SOCS7: variants seen among roughly 807,000 people sequenced by gnomAD.
SOCS7 encodes suppressor of cytokine signaling 7, also known as NAP-4.
Under a neutral mutation model 58.9 loss-of-function variants are expected in SOCS7, and 18 were observed. The ratio of observed to expected loss-of-function variants is 0.31; its 90% CI spans 0.21 to 0.45. The LOEUF (loss-of-function observed/expected upper bound fraction) is 0.45. SOCS7 is among the 20% of genes least tolerant of loss of function. SOCS7 has a pLI of 1.00. For missense variants in SOCS7, 667 were observed against 837.3 expected (o/e 0.80, Z 2.51); for synonymous variants, 388 against 364.3 (o/e 1.06, Z -0.74).
At chr17:38,393,629 C>A (rs1445792194) in intron 7 of SOCS7, among the ~76,000 whole-genome samples, 1 of 150,398 alleles carries the variant, frequency 6.6e-6, no homozygotes, top group Non-Finnish European at 1.5e-5. Flanking sequence ...AAGAGCAAGA[C>A]TCTGTCTTAA....
intron 7 of SOCS7, among the ~76,000 whole-genome samples, chr17:38,379,179 A>AT (rs1567745331): frequency 6.7e-6 from 1 of 148,202 alleles, no homozygotes; most frequent in Non-Finnish European, 1.5e-5. Flanking sequence ...ACAAAAAAAA[A>AT]CAAAAAAAAA....
intron 6 of SOCS7, among the ~76,000 whole-genome samples, chr17:38,374,311 G>A (rs1055029368): frequency 3.3e-5 from 5 of 152,242 alleles, no homozygotes; most frequent in Admixed American, 2.6e-4. Context: ...GCCAAGGCGG[G>A]CAGATCACTT....
At chr17:38,356,264 C>T (rs587599176) in intron 1 of SOCS7, among the ~76,000 whole-genome samples, 3 of 151,942 alleles carry the variant, frequency 2.0e-5, no homozygotes, top group African/African-American at 7.2e-5. Flanking sequence ...CACCTGTAGT[C>T]CCAATACTTG....
At chr17:38,381,351 T>C (rs1728933632) in intron 7 of SOCS7, among the ~76,000 whole-genome samples, 1 of 138,234 alleles carries the variant, frequency 7.2e-6, no homozygotes, top group Non-Finnish European at 1.7e-5. Flanking sequence ...TAGAGGAGAC[T>C]ATTAGGGTGA....
chr17:38,389,260 T>C (rs1174636642), intron 7 of SOCS7, among the ~76,000 whole-genome samples: 3 of 152,228 alleles, frequency 2.0e-5, no homozygotes, highest in South Asian at 2.1e-4. Flanking sequence ...TGTCTTCTTA[T>C]TGAGTTATGA....
At chr17:38,389,814 C>A (rs1159847160) in intron 7 of SOCS7, among the ~76,000 whole-genome samples, 2 of 51,694 alleles carry the variant, frequency 3.9e-5, no homozygotes, top group Non-Finnish European at 4.7e-5. Context: ...GTCTACTATC[C>A]GTTTTGAGTT....
Position 38,395,399 on chromosome 17 carries a change from G to A in SOCS7, c.1772G>A (p.Arg591Gln). 3 of 1,614,136 alleles carry A rather than the reference G, an allele frequency of 1.9e-6. No homozygotes were observed. Among genetic ancestry groups the A allele is most frequent in the Non-Finnish European group, 2.5e-6 (3 of 1,180,016 alleles). ...CAGCACCTTTGCAGATTCCGGATAC[G>A]ACAGCTCGTCAGGATAGATCACATC... ...SLQHLCRFRI[R>Q]QLVRIDHIPD... The change falls in exon 8 of 10, where the codon CGA becomes CAA. Residue 591 changes from arginine (R) to glutamine (Q), a missense_variant. Arg to Gln is a conservative substitution (Grantham distance 43). Around this residue, in one of 9 missense-constraint regions of SOCS7, gnomAD observed 76 missense variants for 194.5 expected, o/e 0.39. Coordinates refer to ENST00000612932, the MANE Select transcript of SOCS7 (RefSeq NM_014598.4).
intron 7 of SOCS7, among the ~76,000 whole-genome samples, chr17:38,385,939 G>T (rs1398801084): frequency 1.3e-5 from 2 of 152,132 alleles, no homozygotes; most frequent in African/African-American, 2.4e-5. Flanking sequence ...CAGCACTTTG[G>T]GAGGTGAGGC....
intron 1 of SOCS7, 92 bp from the exon 2 acceptor site, chr17:38,361,619 C>T (rs2037720057): frequency 1.1e-6 from 1 of 947,766 alleles, no homozygotes; most frequent in Non-Finnish European, 1.7e-6. Context: ...TGCTTTATTT[C>T]TCAGTGCATC....
chr17:38,362,824 C>T (rs1160027748), intron 2 of SOCS7, among the ~76,000 whole-genome samples: 1 of 152,172 alleles, frequency 6.6e-6, no homozygotes, highest in East Asian at 1.9e-4. Flanking sequence ...AGGAACATGG[C>T]TTGGTCACGG....
chr17:38,394,894 A>G (rs1418550388), intron 7 of SOCS7, among the ~76,000 whole-genome samples: 2 of 152,128 alleles, frequency 1.3e-5, no homozygotes, highest in African/African-American at 2.4e-5. Flanking sequence ...TACTAAAAAT[A>G]CAAAAATTAT....
chr17:38,373,761 C>T (rs2037896702), intron 6 of SOCS7, among the ~76,000 whole-genome samples: 2 of 152,210 alleles, frequency 1.3e-5, no homozygotes, highest in African/African-American at 4.8e-5. Context: ...TCAAAGTGGT[C>T]TGCTTGCCCC....
At chr17:38,359,153 T>C (rs1709540564) in intron 1 of SOCS7, among the ~76,000 whole-genome samples, 1 of 152,220 alleles carries the variant, frequency 6.6e-6, no homozygotes. Context: ...CAAATAAAAA[T>C]CAGCTTGGAA....
intron 1 of SOCS7, among the ~76,000 whole-genome samples, chr17:38,355,087 A>G (rs990250496): frequency 1.3e-5 from 2 of 152,126 alleles, no homozygotes; most frequent in African/African-American, 4.8e-5. Flanking sequence ...GATGAATTGG[A>G]GAAGAGCTAG....
intron 4 of SOCS7, 59 bp downstream of exon 4, chr17:38,365,468 A>C: frequency 8.3e-6 from 9 of 1,086,158 alleles, no homozygotes; most frequent in East Asian, 2.6e-5. Flanking sequence ...GATACTTTCT[A>C]CCATAGAAGG....
chr17:38,366,160 A>T, intron 4 of SOCS7, 127 bp from the exon 5 acceptor site: 1 of 1,381,982 alleles, frequency 7.2e-7, no homozygotes, highest in Non-Finnish European at 9.7e-7. Context: ...TTTGGCTTCT[A>T]CCCTTTCCAG....
chr17:38,380,336 A>G (rs1003326604), intron 7 of SOCS7, among the ~76,000 whole-genome samples: 1 of 152,128 alleles, frequency 6.6e-6, no homozygotes, highest in Non-Finnish European at 1.5e-5. Flanking sequence ...AGATCAATCT[A>G]TTAAAATAAT....
At position 38,403,228 on chromosome 17, in the gene SOCS7, G is replaced by A; in HGVS notation, c.*3746G>A. ...CCTACATTTCACTTGGGCTAATGAT[G>A]TAAGCCCCCCTTGAGGTTGGGGATG... On this transcript the variant is annotated 3_prime_UTR_variant, in exon 10 of 10. Transcript: ENST00000612932. 6.6e-6 allele frequency: 1 copy of A among 152,212 alleles called. No homozygotes were observed. The highest frequency in any genetic ancestry group is 1.9e-4 in the East Asian group (1 of 5,190). The allele number at this position is 152,212 out of a possible 1,614,324, so 9.4% of individuals were successfully genotyped here. A position where few individuals can be genotyped will look rare whatever the true frequency, so the allele number is the denominator to read the frequency against.
chr17:38,390,640 TTTCCTTCCTTCCTTCCTTCC>T (rs60020052), intron 7 of SOCS7, among the ~76,000 whole-genome samples: 4,806 of 114,382 alleles, frequency 0.042, 129 homozygotes, highest in Non-Finnish European at 0.05. Context: ...TTTTGTTCGT[TTTCCTTCCTTCCTTCCTTCC>T]TTCCTTCCTT....
Sources: gnomAD v4.1 joint callset for allele counts (sites outside exome capture counted in the v4.1 genomes callset) on GRCh38, gnomAD v4.1.1 for gene constraint, gnomAD v4.1.1 regional missense constraint, MANE v1.5 for transcripts, NCBI Gene and HGNC (gene_info 2026-07-23, HGNC 2026-07-21) for gene names.